STAMBPL1: variants seen among roughly 807,000 people sequenced by gnomAD.
STAMBPL1 encodes AMSH-like protease.
Under a neutral mutation model 52.9 loss-of-function variants are expected in STAMBPL1, and 44 were observed. The ratio of observed to expected loss-of-function variants is 0.83; its 90% CI spans 0.65 to 1.07. The LOEUF is 1.07. Among genes scored for constraint, STAMBPL1 ranks in the 50% least tolerant of loss-of-function variants. STAMBPL1 has a pLI of 0.00. For missense variants in STAMBPL1, 511 were observed against 520.8 expected, an observed-to-expected ratio of 0.98 and a Z score of 0.18; for synonymous variants, 164 against 177.3, an observed-to-expected ratio of 0.92 and a Z score of 0.60.
intron 6 of STAMBPL1, 123 bp downstream of exon 6, chr10:88,913,581 G>T (rs1845286897): frequency 1.3e-6 from 1 of 789,560 alleles, no homozygotes; most frequent in Non-Finnish European, 2.0e-6. Context: ...TGCATAATAT[G>T]GTATGAATGA....
intron 1 of STAMBPL1, among the ~76,000 whole-genome samples, chr10:88,896,742 G>C (rs1179440379): frequency 1.3e-5 from 2 of 152,246 alleles, no homozygotes; most frequent in Non-Finnish European, 1.5e-5. Context: ...TTAGGAGACC[G>C]TTCACTGCCT....
rs768911348 is a variant in STAMBPL1, at chr10:88,913,232, C to G, written c.552C>G (p.Leu184=). The G allele has an allele frequency of 6.2e-7, 1 of 1,613,862 alleles. No individual in the cohort carries two copies. The highest frequency in any genetic ancestry group is 1.1e-5 in the South Asian group (1 of 91,080). ...AGTTTCTGTTTTTCGAAGATCAACT[C>G]AAGAAGCAAGAGTTAGCCCGAGGTC... The part of the protein sequence containing the change: ...SEQFLFFEDQ[L]KKQELARGQM... Residue 184 remains leucine, a synonymous_variant, in exon 6 of 11, where the codon CTC becomes CTG. Transcript: ENST00000371926.
At chr10:88,905,322 A>C (rs1482885318) in intron 2 of STAMBPL1, 121 bp from the exon 3 acceptor site, 9 of 764,362 alleles carry the variant, frequency 1.2e-5, no homozygotes. Context: ...TTAACTTATG[A>C]AAAGATTTCC....
At chr10:88,885,544 T>C (rs1170485941) in intron 1 of STAMBPL1, among the ~76,000 whole-genome samples, 1 of 152,176 alleles carries the variant, frequency 6.6e-6, no homozygotes, top group Non-Finnish European at 1.5e-5. Context: ...ATATAATAGA[T>C]CAGATTCTGG....
At chr10:88,909,848 G>A (rs1845171626) in intron 4 of STAMBPL1, among the ~76,000 whole-genome samples, 1 of 152,108 alleles carries the variant, frequency 6.6e-6, no homozygotes, top group African/African-American at 2.4e-5. Context: ...TGATCCACCT[G>A]CCTCTGCCTC....
In STAMBPL1 at chr10:88,901,685, T is replaced by A. The variant is rs1776930163; in HGVS notation, c.-24T>A. On this transcript the variant is annotated 5_prime_UTR_variant, in exon 2 of 11. Coordinates refer to ENST00000371926, the MANE Select transcript of STAMBPL1 (RefSeq NM_020799.4). Reference sequence around the variant, plus strand: ...AGTGATTGAGAAGAAACAGTGAACATCCTCATTTCACAGATAAGACAACAT... The same window carrying A: ...AGTGATTGAGAAGAAACAGTGAACAACCTCATTTCACAGATAAGACAACAT... 6.2e-7 allele frequency: 1 copy of A among 1,607,274 alleles called. No individual in the cohort carries two copies. Among genetic ancestry groups the A allele is most frequent in the Admixed American group, 1.7e-5 (1 of 58,710 alleles).
intron 2 of STAMBPL1, 41 bp downstream of exon 2, chr10:88,901,779 C>T (rs1046307792): frequency 2.3e-5 from 36 of 1,592,920 alleles, no homozygotes; most frequent in Non-Finnish European, 2.8e-5. Flanking sequence ...GGTTGGAAAG[C>T]CCAAAAAGAA....
In STAMBPL1 at chr10:88,918,308, C is replaced by CACACACACAT. The variant is rs1554839217; in HGVS notation, c.1041+1500_1041+1501insTACACACACA. ...ACACACACACACACACACACACATA[C>CACACACACAT]ACACACACACACACACATTTCCTAA... is the stretch of plus-strand genomic sequence containing the variant. On this transcript the variant is annotated intron_variant, in intron 8 of 10. Coordinates refer to ENST00000371926, the MANE Select transcript of STAMBPL1 (RefSeq NM_020799.4). 9.6e-3 allele frequency among the ~76,000 whole-genome samples: 1,387 copies of CACACACACAT among 144,876 alleles called. 14 individuals are homozygous for CACACACACAT. Among genetic ancestry groups the CACACACACAT allele is most frequent in the South Asian group, 0.051 (237 of 4,650 alleles).
intron 1 of STAMBPL1, among the ~76,000 whole-genome samples, chr10:88,894,668 AT>A (rs1373844702): frequency 6.6e-6 from 1 of 152,230 alleles, no homozygotes; most frequent in Non-Finnish European, 1.5e-5. Flanking sequence ...AGTTTAGTAA[AT>A]AAGTTGCCTT....
chr10:88,907,182 C>T (rs113098215), intron 3 of STAMBPL1, among the ~76,000 whole-genome samples: 13 of 152,276 alleles, frequency 8.5e-5, no homozygotes, highest in African/African-American at 3.1e-4. Flanking sequence ...TAGTCAGGGG[C>T]TTAGCCTGAG....
At chr10:88,905,245 G>A (rs1845043001) in intron 2 of STAMBPL1, among the ~76,000 whole-genome samples, 198 bp from the exon 3 acceptor site, 1 of 152,218 alleles carries the variant, frequency 6.6e-6, no homozygotes, top group South Asian at 2.1e-4. Flanking sequence ...TCTTTTTGTT[G>A]TATAAACCAT....
At chr10:88,900,525 A>T (rs1210917900) in intron 1 of STAMBPL1, among the ~76,000 whole-genome samples, 1 of 152,216 alleles carries the variant, frequency 6.6e-6, no homozygotes, top group Non-Finnish European at 1.5e-5. Context: ...ATAATAGCTA[A>T]CATTGATAAA....
chr10:88,920,013 CTT>C (rs963927331), intron 8 of STAMBPL1, among the ~76,000 whole-genome samples: 7 of 151,416 alleles, frequency 4.6e-5, no homozygotes, highest in African/African-American at 7.3e-5. Context: ...ATTAAAAAAA[CTT>C]TTTTTTTGTT....
At chr10:88,912,474 C>T (rs942251643) in intron 5 of STAMBPL1, 1 of 152,194 alleles carries the variant, frequency 6.6e-6, no homozygotes, top group Non-Finnish European at 1.5e-5. Context: ...ATTTTAATAA[C>T]CATTTTTTAG....
In STAMBPL1 at chr10:88,923,311, G is replaced by T. The variant is rs765850578; in HGVS notation, c.*87G>T. On this transcript the variant is annotated 3_prime_UTR_variant, in exon 11 of 11. Coordinates refer to ENST00000371926, the MANE Select transcript of STAMBPL1 (RefSeq NM_020799.4). ...ATTTTCTTAAGATGTTTCCAGAAAT[G>T]ACTGATATTTTATATTTATACATTT... 86 of 1,482,840 alleles carry T rather than the reference G, an allele frequency of 5.8e-5. No individual in the cohort carries two copies. Among genetic ancestry groups the T allele is most frequent in the Non-Finnish European group, 7.3e-5 (82 of 1,119,948 alleles). The allele number at this position is 1,482,840 out of a possible 1,614,324, so 91.9% of individuals were successfully genotyped here.
chr10:88,907,562 A>G (rs1431076002), intron 3 of STAMBPL1, among the ~76,000 whole-genome samples: 3 of 152,200 alleles, frequency 2.0e-5, no homozygotes, highest in Non-Finnish European at 4.4e-5. Context: ...AGGCCCCTAT[A>G]TCTCAGAATT....
At chr10:88,914,693 T>TAAA in intron 7 of STAMBPL1, 35 bp downstream of exon 7, 1 of 969,572 alleles carries the variant, frequency 1.0e-6, no homozygotes, top group Non-Finnish European at 1.3e-6. Context: ...TATATATATA[T>TAAA]ATCTGCATAG....
intron 3 of STAMBPL1, among the ~76,000 whole-genome samples, chr10:88,908,208 A>T (rs1389421838): frequency 1.3e-5 from 2 of 152,220 alleles, no homozygotes; most frequent in South Asian, 4.1e-4. Context: ...CTCCTAATTC[A>T]CTAGGGATTC....
chr10:88,892,641 T>TG (rs537486509), intron 1 of STAMBPL1, among the ~76,000 whole-genome samples: 1 of 152,240 alleles, frequency 6.6e-6, no homozygotes, highest in Non-Finnish European at 1.5e-5. Context: ...TTCTGCCTAC[T>TG]GCATTGAAGA....
Sources: gnomAD v4.1 joint callset for allele counts (sites outside exome capture counted in the v4.1 genomes callset) on GRCh38, gnomAD v4.1.1 for gene constraint, MANE v1.5 for transcripts, NCBI Gene and HGNC (gene_info 2026-07-23, HGNC 2026-07-21) for gene names.